DLGAP1: variants seen among roughly 807,000 people sequenced by gnomAD.
The protein encoded by DLGAP1 is DLG associated protein 1, also known as disks large-associated protein 1.
DLGAP1 carries 11 observed loss-of-function variants against 90.8 expected under a neutral mutation model. The observed-to-expected ratio is 0.12, with a 90% CI of 0.08 to 0.20. The LOEUF (loss-of-function observed/expected upper bound fraction) is 0.20. Among genes scored for constraint, DLGAP1 ranks in the 10% least tolerant of loss-of-function variants. DLGAP1 has a pLI of 1.00. For missense variants in DLGAP1, 1,050 were observed against 1,333.8 expected (o/e 0.79, Z 3.31); for synonymous variants, 558 against 540.7 (o/e 1.03, Z -0.44).
chr18:4,357,552 C>T (rs773196820), intron 1 of DLGAP1, among the ~76,000 whole-genome samples: 16 of 152,150 alleles, frequency 1.1e-4, no homozygotes, highest in Middle Eastern at 3.2e-3. Flanking sequence ...AATATATAAT[C>T]GTGGCCTGAA....
At chr18:3,928,398 C>G (rs1328045224) in intron 3 of DLGAP1, among the ~76,000 whole-genome samples, 2 of 152,050 alleles carry the variant, frequency 1.3e-5, no homozygotes, top group African/African-American at 4.8e-5. Flanking sequence ...TATGTGCCTT[C>G]AAAATATTTC....
chr18:4,343,750 T>C (rs970560508), intron 1 of DLGAP1, among the ~76,000 whole-genome samples: 1 of 152,178 alleles, frequency 6.6e-6, no homozygotes, highest in Non-Finnish European at 1.5e-5. Flanking sequence ...TATACCTATG[T>C]AACAAACCTG....
intron 6 of DLGAP1, among the ~76,000 whole-genome samples, chr18:3,735,234 T>C (rs904437250): frequency 1.3e-5 from 2 of 152,200 alleles, no homozygotes; most frequent in African/African-American, 4.8e-5. Context: ...CGTATTTTTT[T>C]TGGAGACGGA....
intron 5 of DLGAP1, among the ~76,000 whole-genome samples, chr18:3,804,436 G>A (rs527901448): frequency 1.5e-4 from 23 of 152,292 alleles, no homozygotes; most frequent in African/African-American, 4.3e-4. Context: ...AAGGAAATAC[G>A]CTAATATTCA....
chr18:3,719,228 A>G (rs2061878658), intron 7 of DLGAP1, among the ~76,000 whole-genome samples: 1 of 151,336 alleles, frequency 6.6e-6, no homozygotes, highest in Non-Finnish European at 1.5e-5. Context: ...ATGGTTCTAC[A>G]TCTTGATTAT....
At chr18:3,830,394 T>A (rs1337016949) in intron 4 of DLGAP1, among the ~76,000 whole-genome samples, 5 of 151,992 alleles carry the variant, frequency 3.3e-5, no homozygotes, top group African/African-American at 4.8e-5. Context: ...TGAAACCCCA[T>A]CTCTATTAAA....
chr18:3,651,648 G>A (rs961081712), intron 7 of DLGAP1, among the ~76,000 whole-genome samples: 5 of 152,004 alleles, frequency 3.3e-5, no homozygotes, highest in Non-Finnish European at 7.4e-5. Context: ...CAAAAATTAA[G>A]CCGGGTGCAG....
At chr18:3,536,223 C>CTTT (rs71159088) in intron 9 of DLGAP1, among the ~76,000 whole-genome samples, 3 of 137,414 alleles carry the variant, frequency 2.2e-5, no homozygotes, top group Non-Finnish European at 1.6e-5. Context: ...TACTTTCTTT[C>CTTT]TTTTTTTTTT....
intron 1 of DLGAP1, among the ~76,000 whole-genome samples, chr18:4,453,854 C>G (rs4300747): frequency 0.62 from 94,642 of 152,064 alleles, 29,490 homozygotes; most frequent in African/African-American, 0.63. Context: ...AGTGAAGAGT[C>G]TCGCCTGGAT....
chr18:3,585,324 G>C (rs2055814632), intron 7 of DLGAP1, among the ~76,000 whole-genome samples: 1 of 152,210 alleles, frequency 6.6e-6, no homozygotes, highest in Non-Finnish European at 1.5e-5. Context: ...GGTTCCCAGA[G>C]AGGCATGAGT....
At chr18:4,144,421 C>T (rs548101317) in intron 2 of DLGAP1, among the ~76,000 whole-genome samples, 101 of 152,278 alleles carry the variant, frequency 6.6e-4, no homozygotes, top group African/African-American at 2.4e-3. Flanking sequence ...GTCCCACAAT[C>T]ACTGTGTTCT....
chr18:3,833,549 T>C (rs2068187973), intron 4 of DLGAP1, among the ~76,000 whole-genome samples: 4 of 152,152 alleles, frequency 2.6e-5, no homozygotes, highest in African/African-American at 9.7e-5. Flanking sequence ...TTGTTTTGAT[T>C]TACTAAACAG....
Position 3,688,166 on chromosome 18 carries a change from C to G in DLGAP1, c.1591+40969G>C, listed in dbSNP as rs549822403. ...CCTCAGGGGATCCAACGGCCTCGGC[C>G]TCCCAAAGTGCTGGGATTACAGGTG... is the stretch of plus-strand genomic sequence containing the variant. On this transcript the variant is annotated intron_variant, in intron 7 of 12. Transcript: ENST00000315677. Among the ~76,000 whole-genome samples the G allele has an allele frequency of 7.2e-5, 11 of 152,288 alleles. No homozygotes were observed. In the South Asian group the frequency reaches 1.7e-3, roughly 23 times the overall value.
intron 2 of DLGAP1, among the ~76,000 whole-genome samples, chr18:4,014,707 C>T (rs933347886): frequency 1.9e-4 from 29 of 152,196 alleles, no homozygotes; most frequent in Admixed American, 1.6e-3. Context: ...TAAATACAAA[C>T]AAAAAGACCC....
intron 1 of DLGAP1, among the ~76,000 whole-genome samples, chr18:4,364,763 T>A (rs1235807268): frequency 6.6e-6 from 1 of 152,160 alleles, no homozygotes; most frequent in African/African-American, 2.4e-5. Context: ...GTTAACTTGA[T>A]GTCTTTCTAA....
intron 1 of DLGAP1, among the ~76,000 whole-genome samples, chr18:4,366,590 A>G (rs192920239): frequency 6.6e-6 from 1 of 152,012 alleles, no homozygotes; most frequent in African/African-American, 2.4e-5. Context: ...GAAAAAAAAA[A>G]GTCTGAAAAG....
intron 1 of DLGAP1, among the ~76,000 whole-genome samples, chr18:4,330,028 T>C (rs995458199): frequency 2.0e-5 from 3 of 151,646 alleles, no homozygotes; most frequent in Admixed American, 6.6e-5. Flanking sequence ...TTTTAAACAA[T>C]AGATTAAAAT....
intron 3 of DLGAP1, among the ~76,000 whole-genome samples, chr18:3,943,469 T>TTC (rs34769473): frequency 1.1e-4 from 16 of 150,312 alleles, no homozygotes; most frequent in African/African-American, 3.7e-4. Context: ...TTTTTTTTTT[T>TTC]CTGGCATGAG....
At chr18:3,915,410 G>A (rs1313942701) in intron 3 of DLGAP1, among the ~76,000 whole-genome samples, 2 of 152,202 alleles carry the variant, frequency 1.3e-5, no homozygotes, top group East Asian at 3.9e-4. Flanking sequence ...ACTTGGTAAA[G>A]TGGCAGTTCA....
Sources: gnomAD v4.1 joint callset for allele counts (sites outside exome capture counted in the v4.1 genomes callset) on GRCh38, gnomAD v4.1.1 for gene constraint, MANE v1.5 for transcripts, NCBI Gene and HGNC (gene_info 2026-07-23, HGNC 2026-07-21) for gene names.